The following FOXK1 variants were observed in gnomAD, a reference collection of about 807,000 sequenced individuals.
FOXK1 encodes forkhead box K1, also known as forkhead box protein K1.
Under a neutral mutation model 51.9 loss-of-function variants are expected in FOXK1, and 19 were observed. The ratio of observed to expected loss-of-function variants is 0.37; its 90% CI spans 0.26 to 0.54. The LOEUF (loss-of-function observed/expected upper bound fraction) is 0.54. Ranked by LOEUF, FOXK1 falls within the 20% of genes least tolerant of loss-of-function variation. The pLI is 0.87. For missense variants in FOXK1, 870 were observed against 1,032.7 expected, an observed-to-expected ratio of 0.84 and a Z score of 2.16; for synonymous variants, 537 against 482.6, an observed-to-expected ratio of 1.11 and a Z score of -1.48.
At chr7:4,739,594 C>T (rs79382505) in intron 1 of FOXK1, among the ~76,000 whole-genome samples, 8 of 152,200 alleles carry the variant, frequency 5.3e-5, no homozygotes, top group East Asian at 1.9e-4. Flanking sequence ...TTGACCCTGA[C>T]GCTTGCGGCT....
At chr7:4,725,193 G>T (rs923716319) in intron 1 of FOXK1, among the ~76,000 whole-genome samples, 2 of 152,274 alleles carry the variant, frequency 1.3e-5, no homozygotes, top group African/African-American at 4.8e-5. Context: ...TTCACTGCGA[G>T]TTGGGGTCGC....
chr7:4,764,976 G>C lies in FOXK1; in HGVS notation c.*2512G>C, dbSNP rs537048394. On this transcript the variant is annotated 3_prime_UTR_variant, in exon 9 of 9. Coordinates refer to ENST00000328914, the MANE Select transcript of FOXK1 (RefSeq NM_001037165.2). ...TCATTGCCAAGGGCGTGGAAAGGGGGTGGTGGATGGAGCCGGGAGGTGGCG... is the reference window on the plus strand; with the variant it reads ...TCATTGCCAAGGGCGTGGAAAGGGGCTGGTGGATGGAGCCGGGAGGTGGCG... 1 of 152,462 alleles carries C rather than the reference G, an allele frequency of 6.6e-6. No individual in the cohort carries two copies. The highest frequency in any genetic ancestry group is 2.4e-5 in the African/African-American group (1 of 41,464). 9.4% of individuals were successfully genotyped at this position (152,462 alleles called of 1,614,324 possible).
intron 1 of FOXK1, among the ~76,000 whole-genome samples, chr7:4,701,708 A>G (rs2115035146): frequency 6.6e-6 from 1 of 152,322 alleles, no homozygotes; most frequent in African/African-American, 2.4e-5. Flanking sequence ...CCTGGCTAAC[A>G]CGGTGAAACC....
At chr7:4,752,434 C>G (rs190595395) in intron 2 of FOXK1, among the ~76,000 whole-genome samples, 1 of 152,258 alleles carries the variant, frequency 6.6e-6, no homozygotes, top group African/African-American at 2.4e-5. Flanking sequence ...CATGAGCCAC[C>G]GCACCCGGCA....
chr7:4,758,859 C>T lies in FOXK1; in HGVS notation c.1245-192C>T. The T allele has an allele frequency of 1.6e-6, 1 of 610,762 alleles. No individual in the cohort carries two copies. Among genetic ancestry groups the T allele is most frequent in the Non-Finnish European group, 2.8e-6 (1 of 352,530 alleles). The allele number at this position is 610,762 out of a possible 1,614,324, so 37.8% of individuals were successfully genotyped here. The stretch of plus-strand genomic sequence containing the variant: ...ATGGAACGGAGCCTCCCCCATGCAG[C>T]CCCCACTCAAATGGAGTTTTAAAGG... On this transcript the variant is annotated intron_variant, in intron 5 of 8. Transcript: ENST00000328914. This position sits in a 1 kb window ranked among gnomAD's most constrained non-coding sequence, Gnocchi z 4.4.
At chr7:4,716,969 TGTGGCTGGGAGGTGGTGGCTGGGAGGCGC>T (rs1583192784) in intron 1 of FOXK1, among the ~76,000 whole-genome samples, 1 of 149,744 alleles carries the variant, frequency 6.7e-6, no homozygotes. Context: ...CTGGGAGGCG[TGTGGCTGGGAGGTGGTGGCTGGGAGGCGC>T]GTGGCTGGAA....
In FOXK1 at chr7:4,761,453, G is replaced by A. The variant is rs920285362; in HGVS notation, c.1921+165G>A. 2.0e-5 allele frequency among the ~76,000 whole-genome samples: 3 copies of A among 152,134 alleles called. No homozygotes were observed. The highest frequency in any genetic ancestry group is 7.2e-5 in the African/African-American group (3 of 41,414). ...ACTGGGGTAATGCAAAGAAAAAGAG[G>A]GTGGAAGGGGCCACCTATCATCCCA... On this transcript the variant is annotated intron_variant, in intron 8 of 8. Transcript: ENST00000328914. This position sits in a 1 kb window ranked among gnomAD's most constrained non-coding sequence, Gnocchi z 6.2.
rs1433056330 is a variant in FOXK1 at position 4,759,040 on chromosome 7, C to T, written c.1245-11C>T. Reference sequence around the variant, plus strand: ...GGGCGCTGACTGCCGCGGCCCTTGCCTGTCTTCCAGGAGCGCTCCAGCTTC... The same window carrying T: ...GGGCGCTGACTGCCGCGGCCCTTGCTTGTCTTCCAGGAGCGCTCCAGCTTC... On this transcript the variant is annotated splice_polypyrimidine_tract_variant and intron_variant, in intron 5 of 8. Transcript: ENST00000328914. 3.2e-6 allele frequency: 5 copies of T among 1,579,882 alleles called. No individual in the cohort carries two copies. Among genetic ancestry groups the T allele is most frequent in the Non-Finnish European group, 4.3e-6 (5 of 1,167,202 alleles).
chr7:4,756,183 C>T lies in FOXK1; in HGVS notation c.1050+800C>T, dbSNP rs1309870848. 6.6e-6 allele frequency among the ~76,000 whole-genome samples: 1 copy of T among 152,182 alleles called. No individual in the cohort carries two copies. Among genetic ancestry groups the T allele is most frequent in the Non-Finnish European group, 1.5e-5 (1 of 68,032 alleles). ...CGGCTGGAGTGTGGTGGCGCGATCT[C>T]AGCTCACTGCAACCTTCGCCTCCCA... On this transcript the variant is annotated intron_variant, in intron 4 of 8. Transcript: ENST00000328914. This position sits in a 1 kb window ranked among gnomAD's most constrained non-coding sequence, Gnocchi z 4.1.
rs1348524107 is a variant in FOXK1, at chr7:4,711,963, G to A, written c.561-28875G>A. Among the ~76,000 whole-genome samples the A allele has an allele frequency of 2.0e-5, 3 of 152,128 alleles. No homozygotes were observed. The highest frequency in any genetic ancestry group is 3.9e-4 in the East Asian group (2 of 5,180). ...GGAGGGGCAGAGGGCAGGTGCCGCC[G>A]AGCAGGAGGGAGGACGCGGCAGGTC... On this transcript the variant is annotated intron_variant, in intron 1 of 8. Coordinates refer to ENST00000328914, the MANE Select transcript of FOXK1 (RefSeq NM_001037165.2). The surrounding 1 kb of genome is among the most constrained non-coding windows in gnomAD (Gnocchi z 6.3).
At position 4,759,301 on chromosome 7, in the gene FOXK1, C is replaced by T. The variant is rs751038104; in HGVS notation, c.1412-10C>T. 50 of 1,601,510 alleles carry T rather than the reference C, an allele frequency of 3.1e-5. No individual in the cohort carries two copies. In the South Asian group the frequency reaches 5.1e-4, roughly 16 times the overall value. On this transcript the variant is annotated splice_polypyrimidine_tract_variant and intron_variant, in intron 6 of 8. Transcript: ENST00000328914. The stretch of plus-strand genomic sequence containing the variant: ...GAGGGGTCACCGTCCGCTCTCCGCC[C>T]TCCGTGCAGGCTCCCCCGTCAGCGC...
chr7:4,718,017 GAAGGA>G (rs1049665299), intron 1 of FOXK1, among the ~76,000 whole-genome samples: 3 of 152,174 alleles, frequency 2.0e-5, no homozygotes, highest in African/African-American at 7.2e-5. Context: ...TTTCAGTGTT[GAAGGA>G]AAGGAAAGTG....
chr7:4,763,089 G>C lies in FOXK1; in HGVS notation c.*625G>C, dbSNP rs188191029. The C allele has an allele frequency of 2.3e-4, 35 of 153,358 alleles. 1 individual carries two copies. Among genetic ancestry groups the C allele is most frequent in the Non-Finnish European group, 1.5e-5 (1 of 68,604 alleles). 9.5% of individuals were successfully genotyped at this position (153,358 alleles called of 1,614,324 possible). ...CAGACTTCATTGTACACCTGAGACA[G>C]ACACAAAAGGGATCATGTATTTTTG... On this transcript the variant is annotated 3_prime_UTR_variant, in exon 9 of 9. Transcript: ENST00000328914.
Position 4,759,129 on chromosome 7 carries a change from T to A in FOXK1, c.1323T>A (p.Ser441=). The A allele has an allele frequency of 6.2e-7, 1 of 1,612,280 alleles. No individual in the cohort carries two copies. The highest frequency in any genetic ancestry group is 8.5e-7 in the Non-Finnish European group (1 of 1,179,880). Residue 441 remains serine (S), a synonymous_variant, in exon 6 of 9, where the codon TCT becomes TCA. Coordinates refer to ENST00000328914, the MANE Select transcript of FOXK1 (RefSeq NM_001037165.2). ...GCCTGCAGACCCCAGAGTGCCTGTC[T>A]CGGGAGGGCTCCCCCATTCCACACG... ...SGGLQTPECL[S]REGSPIPHDP...
intron 1 of FOXK1, among the ~76,000 whole-genome samples, chr7:4,701,204 T>C (rs2115034894): frequency 6.6e-6 from 1 of 152,298 alleles, no homozygotes; most frequent in Non-Finnish European, 1.5e-5. Flanking sequence ...GGGGTTTGTT[T>C]TCTTGTGTTT....
In FOXK1 at chr7:4,707,585, C is replaced by T. The variant is rs540784441; in HGVS notation, c.560+24717C>T. On this transcript the variant is annotated intron_variant, in intron 1 of 8. Transcript: ENST00000328914. This position sits in a 1 kb window ranked among gnomAD's most constrained non-coding sequence, Gnocchi z 4.1. ...GAATTGTCTCTTACGCCTTCCTTTC[C>T]GGGTTTTCCTGGAGAAGGCTGCCTC... 9.9e-5 allele frequency among the ~76,000 whole-genome samples: 15 copies of T among 152,144 alleles called. No homozygotes were observed. The highest frequency in any genetic ancestry group is 3.4e-4 in the African/African-American group (14 of 41,524).
Position 4,733,288 on chromosome 7 carries a change from C to T in FOXK1, c.561-7550C>T, listed in dbSNP as rs1780506309. On this transcript the variant is annotated intron_variant, in intron 1 of 8. Coordinates refer to ENST00000328914, the MANE Select transcript of FOXK1 (RefSeq NM_001037165.2). The surrounding 1 kb of genome is among the most constrained non-coding windows in gnomAD (Gnocchi z 5.0). ...AAGCAATCCTCCAACCTCATCCTCC[C>T]AGAGTGCTGGGATTATAGATGTAAG... 6.6e-6 allele frequency among the ~76,000 whole-genome samples: 1 copy of T among 152,086 alleles called. No homozygotes were observed. Among genetic ancestry groups the T allele is most frequent in the Admixed American group, 6.6e-5 (1 of 15,258 alleles).
At chr7:4,725,233 T>C (rs1163459397) in intron 1 of FOXK1, among the ~76,000 whole-genome samples, 9 of 152,182 alleles carry the variant, frequency 5.9e-5, no homozygotes, top group South Asian at 2.1e-4. Flanking sequence ...CTCTTGAGAA[T>C]AGCAGTGCCC....
intron 1 of FOXK1, among the ~76,000 whole-genome samples, chr7:4,691,672 G>C (rs566923472): frequency 1.4e-4 from 21 of 152,250 alleles, no homozygotes; most frequent in East Asian, 1.9e-4. Context: ...GAAGAATCTC[G>C]TCTGCCCTCA....
Sources: gnomAD v4.1 joint callset for allele counts (sites outside exome capture counted in the v4.1 genomes callset) on GRCh38, gnomAD v4.1.1 for gene constraint, Gnocchi (gnomAD v3.1) non-coding constraint, MANE v1.5 for transcripts, NCBI Gene and HGNC (gene_info 2026-07-23, HGNC 2026-07-21) for gene names.